SORCS3: variants seen among roughly 807,000 people sequenced by gnomAD.
SORCS3 encodes the protein VPS10 domain-containing receptor SorCS3.
SORCS3 carries 57 observed loss-of-function variants against 146.3 expected under a neutral mutation model. The ratio of observed to expected loss-of-function variants is 0.39; its 90% CI spans 0.31 to 0.49. The LOEUF is 0.49. Ranked by LOEUF, SORCS3 falls within the 20% of genes least tolerant of loss-of-function variation. The probability of loss-of-function intolerance (pLI) is 0.92; values close to 1 mark genes in which losing one functional copy is unlikely to be tolerated. For missense variants in SORCS3, 1,341 were observed against 1,575.5 expected (o/e 0.85, Z 2.52); for synonymous variants, 653 against 618.5 (o/e 1.06, Z -0.83).
At position 105,262,509 on chromosome 10, in the gene SORCS3, A is replaced by G; in HGVS notation, c.3604+18A>G. On this transcript the variant is annotated intron_variant, in intron 26 of 26. Transcript: ENST00000369701. The stretch of plus-strand genomic sequence containing the variant: ...GGTCATAGGTACATGCTCCTGCTCC[A>G]CTAAGCTCCCCTGTTCTGTGTCCTC... 6.2e-7 allele frequency: 1 copy of G among 1,610,392 alleles called. No individual in the cohort carries two copies.
intron 3 of SORCS3, among the ~76,000 whole-genome samples, chr10:104,971,638 G>T (rs546698802): frequency 2.2e-4 from 34 of 152,284 alleles, no homozygotes; most frequent in African/African-American, 8.2e-4. Context: ...GAGACTCAGA[G>T]ATTTAGGAGT....
intron 1 of SORCS3, among the ~76,000 whole-genome samples, chr10:104,812,224 G>C (rs2017749292): frequency 6.6e-6 from 1 of 152,100 alleles, no homozygotes; most frequent in African/African-American, 2.4e-5. Flanking sequence ...CCACTAGCTA[G>C]GCCCCATCCT....
intron 5 of SORCS3, among the ~76,000 whole-genome samples, chr10:105,056,517 A>G (rs1212641289): frequency 1.3e-5 from 2 of 152,218 alleles, no homozygotes; most frequent in African/African-American, 4.8e-5. Context: ...TATCTTGGTA[A>G]TAGAGGACAT....
intron 1 of SORCS3, among the ~76,000 whole-genome samples, chr10:104,724,665 T>G (rs1041270827): frequency 7.2e-5 from 11 of 152,184 alleles, no homozygotes; most frequent in African/African-American, 2.7e-4. Context: ...CTTGGAGGCT[T>G]TGTTCATTTC....
chr10:105,115,628 T>G (rs1452270), intron 7 of SORCS3, among the ~76,000 whole-genome samples: 73,839 of 151,924 alleles, frequency 0.49, 18,483 homozygotes, highest in Non-Finnish European at 0.55. Flanking sequence ...TCAAGACTGT[T>G]TTTGCATCTT....
rs747594890 is a variant in SORCS3, at chr10:104,876,703, T to TTTCCTTCCTTCC, written c.695+33879_695+33890dup. Among the ~76,000 whole-genome samples the TTTCCTTCCTTCC allele has an allele frequency of 9.1e-3, 952 of 104,686 alleles. 20 individuals carry two copies. The highest frequency in any genetic ancestry group is 0.033 in the Admixed American group (345 of 10,300). 68.7% of individuals were successfully genotyped at this position (104,686 alleles called of 152,430 possible). On this transcript the variant is annotated intron_variant, in intron 2 of 26. Coordinates refer to ENST00000369701, the MANE Select transcript of SORCS3 (RefSeq NM_014978.3). ...GCACATGCAATGAACTGGTCCAGGT[T>TTTCCTTCCTTCC]TTCCTTCCTTCCTTCCTTCCTTCCT...
chr10:105,076,389 G>A (rs1251589617), intron 5 of SORCS3, among the ~76,000 whole-genome samples: 1 of 152,184 alleles, frequency 6.6e-6, no homozygotes, highest in African/African-American at 2.4e-5. Context: ...GAGAATTGCA[G>A]GGCGGTGAGA....
intron 3 of SORCS3, among the ~76,000 whole-genome samples, chr10:104,971,507 A>G (rs868181741): frequency 6.6e-6 from 1 of 152,168 alleles, no homozygotes; most frequent in Non-Finnish European, 1.5e-5. Flanking sequence ...GAGCTAGGGT[A>G]TACCAGAGAA....
At chr10:105,016,766 C>G (rs946745218) in intron 4 of SORCS3, among the ~76,000 whole-genome samples, 1 of 152,140 alleles carries the variant, frequency 6.6e-6, no homozygotes, top group Admixed American at 6.6e-5. Flanking sequence ...CCACTTCAAT[C>G]TCTTGTCCTG....
intron 1 of SORCS3, among the ~76,000 whole-genome samples, chr10:104,728,666 A>G (rs1428179584): frequency 6.6e-6 from 1 of 152,212 alleles, no homozygotes; most frequent in Non-Finnish European, 1.5e-5. Context: ...CAGAAATCAA[A>G]GGATAATTTC....
intron 9 of SORCS3, among the ~76,000 whole-genome samples, chr10:105,153,679 A>G (rs1429511272): frequency 6.7e-6 from 1 of 149,348 alleles, no homozygotes; most frequent in Admixed American, 6.7e-5. Flanking sequence ...GTGTGTTTGT[A>G]GCTGTTCCGA....
At chr10:104,946,889 C>G (rs1014111989) in intron 3 of SORCS3, among the ~76,000 whole-genome samples, 6 of 152,122 alleles carry the variant, frequency 3.9e-5, no homozygotes, top group Non-Finnish European at 7.3e-5. Flanking sequence ...GCCTTGCTCC[C>G]TCTGAACTCT....
intron 4 of SORCS3, among the ~76,000 whole-genome samples, chr10:105,008,335 T>C (rs1012669780): frequency 1.3e-5 from 2 of 152,210 alleles, no homozygotes; most frequent in Admixed American, 1.3e-4. Context: ...ATTTCACTGA[T>C]GTCTCATGAA....
intron 1 of SORCS3, among the ~76,000 whole-genome samples, chr10:104,739,112 C>T (rs932165695): frequency 2.0e-5 from 3 of 152,162 alleles, no homozygotes; most frequent in Admixed American, 6.5e-5. Flanking sequence ...CCTCCAGCAG[C>T]GCCTGCCCAG....
intron 7 of SORCS3, among the ~76,000 whole-genome samples, chr10:105,131,518 A>G (rs2056018607): frequency 6.6e-6 from 1 of 152,196 alleles, no homozygotes. Context: ...ACAATGTAGC[A>G]TTGATTTCTC....
chr10:105,251,337 G>C (rs1036177326), intron 22 of SORCS3, among the ~76,000 whole-genome samples: 1 of 152,080 alleles, frequency 6.6e-6, no homozygotes, highest in South Asian at 2.1e-4. Flanking sequence ...CCCAGGATTC[G>C]ATCACCTCCA....
At chr10:104,757,636 T>A (rs1564676630) in intron 1 of SORCS3, among the ~76,000 whole-genome samples, 1 of 152,232 alleles carries the variant, frequency 6.6e-6, no homozygotes, top group Admixed American at 6.5e-5. Flanking sequence ...TTGCTTTTTC[T>A]TAGCTGGATA....
At chr10:105,071,791 ACCCACAAAGCTCTCTTTTAT>A (rs1005613182) in intron 5 of SORCS3, among the ~76,000 whole-genome samples, 2 of 152,076 alleles carry the variant, frequency 1.3e-5, no homozygotes, top group Non-Finnish European at 1.5e-5. Context: ...ATTTTTTTGT[ACCCACAAAGCTCTCTTTTAT>A]CCCCATCTAT....
At chr10:105,183,650 C>T (rs2056456833) in intron 14 of SORCS3, among the ~76,000 whole-genome samples, 1 of 152,156 alleles carries the variant, frequency 6.6e-6, no homozygotes. Flanking sequence ...GGTGGAACTC[C>T]CAAGTCATCA....
Sources: gnomAD v4.1 joint callset for allele counts (sites outside exome capture counted in the v4.1 genomes callset) on GRCh38, gnomAD v4.1.1 for gene constraint, MANE v1.5 for transcripts, NCBI Gene and HGNC (gene_info 2026-07-23, HGNC 2026-07-21) for gene names.